The following RPS29 variants were observed in gnomAD, a reference collection of about 807,000 sequenced individuals.
RPS29 encodes the protein ribosomal protein S29.
For synonymous variants in RPS29, 37 were observed against 26.9 expected (o/e 1.37, Z -1.16); for missense variants, 60 against 75.7 (o/e 0.79, Z 0.77).
upstream of RPS29, among the ~76,000 whole-genome samples, chr14:49,589,925 C>A (rs1035527264): frequency 2.0e-5 from 3 of 152,284 alleles, no homozygotes; most frequent in Middle Eastern, 3.4e-3. Flanking sequence ...TTATCCTAAA[C>A]AAACTAACAC....
At chr14:49,589,836 T>G (rs1881674087), upstream of RPS29, among the ~76,000 whole-genome samples, 1 of 152,198 alleles carries the variant, frequency 6.6e-6, no homozygotes, top group Non-Finnish European at 1.5e-5. Flanking sequence ...GTAGTACATA[T>G]ACACTATGGA....
intron 1 of RPS29, chr14:49,598,308 C>A: frequency 1.6e-6 from 1 of 607,814 alleles, no homozygotes; most frequent in Admixed American, 2.9e-5. Context: ...TTCAATCAAT[C>A]AAGAAAATCA....
chr14:49,577,830 C>A, exon 3 of RPS29: 1 of 1,600,460 alleles, frequency 6.2e-7, no homozygotes, highest in Non-Finnish European at 8.5e-7. Context: ...ATAGGCAGTG[C>A]CAAGGAAGAC....
At chr14:49,578,201 A>C (rs146627918) in intron 2 of RPS29, among the ~76,000 whole-genome samples, 1 of 152,154 alleles carries the variant, frequency 6.6e-6, no homozygotes, top group Non-Finnish European at 1.5e-5. Context: ...AGTAGAATGA[A>C]ATCATAGCAA....
At chr14:49,597,947 C>CTA (rs1250579420) in intron 1 of RPS29, 1 of 155,370 alleles carries the variant, frequency 6.4e-6, no homozygotes, top group Non-Finnish European at 1.4e-5. Flanking sequence ...CCGCGCCCGG[C>CTA]CATAATTTTA....
rs192201920 is a variant in RPS29 at position 49,598,363 on chromosome 14, C to G, written c.-133+37G>C. The G allele has an allele frequency of 3.4e-4, 224 of 656,036 alleles. No individual in the cohort carries two copies. The African/African-American group carries it at 3.6e-3, about 11-fold the overall frequency. 40.6% of individuals were successfully genotyped at this position (656,036 alleles called of 1,614,324 possible). ...CGGTCTGGACGGTCTTTCCACGTCT[C>G]AGGTGCAGTTAAGCCAGTCACACTC... On this transcript the variant is annotated intron_variant, in intron 1 of 3. Transcript: ENST00000556230.
chr14:49,571,533 C>T (rs771907357), exon 3 of RPS29: 7 of 152,232 alleles, frequency 4.6e-5, no homozygotes, highest in African/African-American at 1.2e-4. Context: ...CAGTTACCAG[C>T]GAGAACAACC....
rs117162427 is a variant in RPS29 at position 49,585,792 on chromosome 14, C to T, written c.162+158G>A. Reference sequence around the variant, plus strand: ...AATTTGATTGCCCAAACCATCAACACTGTCACCAGCTACCAACTAAAAAAA... The same window carrying T: ...AATTTGATTGCCCAAACCATCAACATTGTCACCAGCTACCAACTAAAAAAA... On this transcript the variant is annotated intron_variant, in intron 2 of 2. Coordinates refer to ENST00000245458, the MANE Select transcript of RPS29 (RefSeq NM_001032.5). The T allele has an allele frequency of 1.3e-3, 820 of 615,102 alleles. 8 individuals carry two copies. The East Asian group carries it at 0.019, about 15-fold the overall frequency. 38.1% of individuals were successfully genotyped at this position (615,102 alleles called of 1,614,324 possible). A position where few individuals can be genotyped will look rare whatever the true frequency, so the allele number is the denominator to read the frequency against.
intron 2 of RPS29, among the ~76,000 whole-genome samples, chr14:49,584,893 AACT>A (rs908347981): frequency 6.6e-6 from 1 of 151,344 alleles, no homozygotes; most frequent in Non-Finnish European, 1.5e-5. Context: ...AAAAAACCCA[AACT>A]ACTATTTAAA....
intron 1 of RPS29, among the ~76,000 whole-genome samples, chr14:49,595,551 G>T (rs977220900): frequency 6.6e-6 from 1 of 152,038 alleles, no homozygotes; most frequent in Non-Finnish European, 1.5e-5. Context: ...AGGTTGCAGT[G>T]AGCTATGAAT....
At chr14:49,586,809 C>T (rs913804160), upstream of RPS29, 5 of 202,362 alleles carry the variant, frequency 2.5e-5, no homozygotes, top group Non-Finnish European at 5.3e-5. Context: ...CCGTGCTGAT[C>T]AGTAGTGGGA....
intron 1 of RPS29, chr14:49,598,162 G>A (rs1378809386): frequency 8.1e-6 from 4 of 492,394 alleles, no homozygotes; most frequent in Non-Finnish European, 7.1e-6. Flanking sequence ...TTAATATACG[G>A]CTAGGATTAG....
exon 3 of RPS29, chr14:49,576,649 C>G (rs1435475406): frequency 6.6e-6 from 1 of 152,138 alleles, no homozygotes; most frequent in East Asian, 1.9e-4. Context: ...GGCTGTGTCC[C>G]CACCCAAATC....
chr14:49,594,823 G>A (rs1015132867), intron 1 of RPS29, among the ~76,000 whole-genome samples: 1 of 152,180 alleles, frequency 6.6e-6, no homozygotes, highest in Non-Finnish European at 1.5e-5. Context: ...TAGATAAGAA[G>A]CTCTCAAAAG....
upstream of RPS29, among the ~76,000 whole-genome samples, chr14:49,588,706 T>G (rs555806701): frequency 6.6e-6 from 1 of 151,404 alleles, no homozygotes; most frequent in South Asian, 2.1e-4. Context: ...TTTTTACATT[T>G]TTGGTAGAGA....
At chr14:49,571,408 G>T (rs1302050926) in exon 3 of RPS29, 1 of 152,066 alleles carries the variant, frequency 6.6e-6, no homozygotes, top group Admixed American at 6.6e-5. Flanking sequence ...GTTCCTAGGA[G>T]GCAGACTCAA....
At chr14:49,572,700 G>A (rs1204389644) in exon 3 of RPS29, 3 of 152,310 alleles carry the variant, frequency 2.0e-5, no homozygotes, top group African/African-American at 7.2e-5. Flanking sequence ...TGGCAATAAA[G>A]AAGCTATAGT....
intron 1 of RPS29, among the ~76,000 whole-genome samples, chr14:49,591,768 C>T (rs1881716664): frequency 6.6e-6 from 1 of 151,688 alleles, no homozygotes; most frequent in African/African-American, 2.4e-5. Flanking sequence ...TTACAGGCGC[C>T]CACCACCATG....
chr14:49,594,668 A>G (rs1381701050), intron 1 of RPS29, among the ~76,000 whole-genome samples: 1 of 152,260 alleles, frequency 6.6e-6, no homozygotes, highest in Non-Finnish European at 1.5e-5. Context: ...CTGAGATAAG[A>G]ACTGTTTCTG....
Sources: gnomAD v4.1 joint callset for allele counts (sites outside exome capture counted in the v4.1 genomes callset) on GRCh38, gnomAD v4.1.1 for gene constraint, MANE v1.5 for transcripts, NCBI Gene and HGNC (gene_info 2026-07-23, HGNC 2026-07-21) for gene names.